The following CASK variants were observed in gnomAD, a reference collection of about 807,000 sequenced individuals.
The protein encoded by CASK is calcium/calmodulin dependent serine protein kinase, also known as peripheral plasma membrane protein CASK.
In CASK, 4 loss-of-function variants were observed where a neutral mutation model predicts 82.9. That is an observed-to-expected ratio of 0.05 (90% CI 0.02 to 0.11). The LOEUF (loss-of-function observed/expected upper bound fraction) is 0.11, where lower values mean the gene tolerates loss of function less well. CASK is among the 10% of genes least tolerant of loss of function. CASK has a pLI of 1.00. For synonymous variants in CASK, 259 were observed against 253.5 expected, an observed-to-expected ratio of 1.02 and a Z score of -0.20; for missense variants, 358 against 720.9, an observed-to-expected ratio of 0.50 and a Z score of 5.76.
At chrX:41,612,349 G>A (rs1479510719) in intron 11 of CASK, among the ~76,000 whole-genome samples, 6 of 106,885 alleles carry the variant, frequency 5.6e-5, no homozygotes, top group Non-Finnish European at 9.7e-5. Context: ...CTGCCCAGCC[G>A]CCCCGTCTGA....
chrX:41,633,421 C>T (rs2147357129), intron 9 of CASK, among the ~76,000 whole-genome samples: 1 of 110,650 alleles, frequency 9.0e-6, no homozygotes, highest in Admixed American at 9.8e-5. Context: ...GGTTAGAGTA[C>T]AGGTGTGCCC....
chrX:41,614,398 T>C (rs1273664169), intron 11 of CASK, among the ~76,000 whole-genome samples: 1 of 112,707 alleles, frequency 8.9e-6, no homozygotes, highest in East Asian at 2.8e-4. Context: ...AATGAAATCA[T>C]ACAGTATGTA....
At chrX:41,880,422 T>C (rs2071926972) in intron 1 of CASK, among the ~76,000 whole-genome samples, 1 of 111,909 alleles carries the variant, frequency 8.9e-6, no homozygotes, top group Non-Finnish European at 1.9e-5. Context: ...TGGTCAGTGG[T>C]AGAGGCCAGC....
At chrX:41,813,537 A>G (rs1047588110) in intron 2 of CASK, among the ~76,000 whole-genome samples, 4 of 111,757 alleles carry the variant, frequency 3.6e-5, no homozygotes, top group Non-Finnish European at 7.5e-5. Flanking sequence ...CTGGCTAGCC[A>G]TATGTAGAAA....
At chrX:41,619,039 C>T (rs1326177190) in intron 11 of CASK, among the ~76,000 whole-genome samples, 2 of 108,140 alleles carry the variant, frequency 1.8e-5, no homozygotes, top group African/African-American at 6.7e-5. Flanking sequence ...ACCGTGTTAG[C>T]CAGGATGGTC....
At chrX:41,846,070 A>T (rs1025443800) in intron 2 of CASK, among the ~76,000 whole-genome samples, 1 of 111,791 alleles carries the variant, frequency 8.9e-6, no homozygotes, top group African/African-American at 3.3e-5. Context: ...TCCCACTCCT[A>T]GGTATATACC....
At chrX:41,843,110 A>G (rs893880892) in intron 2 of CASK, among the ~76,000 whole-genome samples, 1 of 111,792 alleles carries the variant, frequency 8.9e-6, no homozygotes, top group African/African-American at 3.2e-5. Context: ...TTATATGCCA[A>G]TAGAGGGCAT....
At chrX:41,595,784 C>T (rs2065812496) in intron 12 of CASK, among the ~76,000 whole-genome samples, 1 of 111,286 alleles carries the variant, frequency 9.0e-6, no homozygotes, top group South Asian at 3.8e-4. Flanking sequence ...ATCCAGATCT[C>T]CTCAGCTTGT....
chrX:41,796,649 T>C lies in CASK; in HGVS notation c.173-9366A>G, dbSNP rs138132448. The stretch of plus-strand genomic sequence containing the variant: ...GTTAAGAAAAGTAAAACAGAACCCA[T>C]GTAGCTGTATGTGTGTGGCCTACTG... On this transcript the variant is annotated intron_variant, in intron 2 of 26. Transcript: ENST00000378163. 3.1e-3 allele frequency among the ~76,000 whole-genome samples: 348 copies of C among 112,251 alleles called. 1 individual carries two copies. The highest frequency in any genetic ancestry group is 0.011 in the African/African-American group (327 of 30,933).
intron 2 of CASK, among the ~76,000 whole-genome samples, chrX:41,828,839 A>G (rs2070725452): frequency 8.9e-6 from 1 of 112,439 alleles, no homozygotes; most frequent in Admixed American, 9.4e-5. Context: ...AGGATAACAA[A>G]GCAGATTCAC....
intron 13 of CASK, chrX:41,588,323 G>A (rs777008422): frequency 9.0e-6 from 1 of 111,602 alleles, no homozygotes; most frequent in Non-Finnish European, 1.9e-5. Context: ...AAATACAGAG[G>A]TGTGGTATTT....
chrX:41,686,513 C>T (rs180983464), intron 5 of CASK, among the ~76,000 whole-genome samples: 3 of 110,349 alleles, frequency 2.7e-5, no homozygotes, highest in Admixed American at 1.9e-4. Flanking sequence ...GCTGGAACTA[C>T]AGGCGTACGC....
At chrX:41,545,027 G>GTT (rs57524862) in intron 21 of CASK, among the ~76,000 whole-genome samples, 132 of 106,845 alleles carry the variant, frequency 1.2e-3, no homozygotes, top group Non-Finnish European at 1.6e-3. Flanking sequence ...TAGTACTGCT[G>GTT]TTTTTTTTTT....
intron 14 of CASK, among the ~76,000 whole-genome samples, chrX:41,581,411 G>A (rs1202163980): frequency 9.1e-6 from 1 of 109,604 alleles, no homozygotes; most frequent in East Asian, 2.8e-4. Context: ...TTTTAAAGTC[G>A]TTTAAATTTA....
intron 1 of CASK, among the ~76,000 whole-genome samples, chrX:41,874,636 A>T (rs1244319243): frequency 8.9e-6 from 1 of 112,495 alleles, no homozygotes; most frequent in African/African-American, 3.2e-5. Context: ...CAATACAAAC[A>T]ATCCAAAGTA....
chrX:41,853,019 C>T lies in CASK; in HGVS notation c.172+96G>A, dbSNP rs183644939. On this transcript the variant is annotated intron_variant, in intron 2 of 26. Transcript: ENST00000378163. Reference sequence around the variant, plus strand: ...ACTTCCCTCTACATCATACCCTCTGCTTCCCCACCCCCAGATGAAGGTTAG... The same window carrying T: ...ACTTCCCTCTACATCATACCCTCTGTTTCCCCACCCCCAGATGAAGGTTAG... 1.2e-4 allele frequency: 71 copies of T among 572,600 alleles called. 1 individual carries two copies. In the East Asian group the frequency reaches 2.2e-3, roughly 18 times the overall value. The allele number at this position is 572,600 out of a possible 1,213,427, so 47.2% of individuals were successfully genotyped here. A position where few individuals can be genotyped will look rare whatever the true frequency, so the allele number is the denominator to read the frequency against.
chrX:41,590,771 TC>T (rs961689948), intron 12 of CASK, among the ~76,000 whole-genome samples: 19 of 110,549 alleles, frequency 1.7e-4, no homozygotes, highest in African/African-American at 5.9e-4. Context: ...ATTTTCGTGG[TC>T]GGTTTTATTC....
intron 2 of CASK, among the ~76,000 whole-genome samples, chrX:41,849,845 T>C (rs1216278322): frequency 8.9e-6 from 1 of 112,257 alleles, no homozygotes; most frequent in Non-Finnish European, 1.9e-5. Context: ...TATTAAAACG[T>C]ACAGGTGGTC....
At position 41,541,874 on chromosome X, in the gene CASK, A is replaced by T. The variant is rs1271871434; in HGVS notation, c.2155+817T>A. Among the ~76,000 whole-genome samples, 5 of 111,923 alleles carry T rather than the reference A, an allele frequency of 4.5e-5. No individual in the cohort carries two copies. The East Asian group carries it at 1.4e-3, about 31-fold the overall frequency. On this transcript the variant is annotated intron_variant, in intron 22 of 26. Coordinates refer to ENST00000378163, the MANE Select transcript of CASK (RefSeq NM_001367721.1). ...TTCAATTCCTCAGAAAAAGTTCCTT[A>T]TAAAAGGAGTTGTATTAAGAAGTTA...
Sources: allele counts gnomAD v4.1 joint callset (sites outside exome capture counted in the v4.1 genomes callset), GRCh38; gene constraint gnomAD v4.1.1; transcripts MANE v1.5; gene names NCBI Gene and HGNC (gene_info 2026-07-23, HGNC 2026-07-21).